POLG2: variants seen among roughly 807,000 people sequenced by gnomAD.
POLG2 encodes DNA polymerase subunit gamma-2.
POLG2 carries 50 observed loss-of-function variants against 56.5 expected under a neutral mutation model. The observed-to-expected ratio is 0.88, with a 90% CI of 0.71 to 1.12. The LOEUF is 1.12. Ranked by LOEUF, POLG2 falls within the 50% of genes most tolerant of loss-of-function variation. The pLI is 0.00. For missense variants in POLG2, 584 were observed against 583.3 expected, an observed-to-expected ratio of 1.00 and a Z score of -0.01; for synonymous variants, 226 against 222.6, an observed-to-expected ratio of 1.02 and a Z score of -0.14.
chr17:64,488,843 C>G (rs2038003553), intron 4 of POLG2, among the ~76,000 whole-genome samples: 1 of 152,064 alleles, frequency 6.6e-6, no homozygotes, highest in Admixed American at 6.6e-5. Flanking sequence ...TGGCGCACAC[C>G]TATAGTCCTA....
At chr17:64,492,630 G>A (rs2038080494) in intron 3 of POLG2, 37 bp downstream of exon 3, 1 of 1,177,190 alleles carries the variant, frequency 8.5e-7, no homozygotes, top group Non-Finnish European at 1.3e-6. Context: ...GACAATTTAT[G>A]TATTAACTAT....
chr17:64,495,101 C>T (rs1555669238), intron 1 of POLG2, among the ~76,000 whole-genome samples: 1 of 147,428 alleles, frequency 6.8e-6, no homozygotes, highest in African/African-American at 2.6e-5. Context: ...TGGCGTGAAC[C>T]TGGGAGATGG....
chr17:64,491,481 G>A lies in POLG2; in HGVS notation c.796-512C>T, dbSNP rs542938803. The A allele has an allele frequency of 6.9e-4, 891 of 1,283,226 alleles. 1 individual carries two copies. Among genetic ancestry groups the A allele is most frequent in the South Asian group, 1.7e-3 (141 of 83,400 alleles). 79.5% of individuals were successfully genotyped at this position (1,283,226 alleles called of 1,614,324 possible). A position where few individuals can be genotyped will look rare whatever the true frequency, so the allele number is the denominator to read the frequency against. On this transcript the variant is annotated intron_variant, in intron 3 of 7. Coordinates refer to ENST00000539111, the MANE Select transcript of POLG2 (RefSeq NM_007215.4). ...GCTGTGATTGTGCAACGGCAGTCCA[G>A]CCCGGGCAAAAGAGTGAGACTATGT...
chr17:64,478,990 C>A (rs1445935728), intron 7 of POLG2, among the ~76,000 whole-genome samples: 3 of 152,000 alleles, frequency 2.0e-5, no homozygotes, highest in African/African-American at 7.2e-5. Flanking sequence ...ATAAAAATAT[C>A]CTGGGACAAT....
chr17:64,482,327 C>CT (rs60268133), intron 6 of POLG2, among the ~76,000 whole-genome samples: 22,631 of 128,498 alleles, frequency 0.18, 5,430 homozygotes, highest in African/African-American at 0.55. Flanking sequence ...AAATTAAAAA[C>CT]TTTTTTTTTT....
intron 3 of POLG2, 132 bp downstream of exon 3, chr17:64,492,535 T>G: frequency 1.6e-6 from 1 of 644,396 alleles, no homozygotes; most frequent in Non-Finnish European, 2.7e-6. Flanking sequence ...TTACAAAGAG[T>G]TTTTGTATTT....
intron 2 of POLG2, 36 bp downstream of exon 2, chr17:64,492,859 T>C (rs782064112): frequency 6.2e-7 from 1 of 1,612,782 alleles, no homozygotes; most frequent in Non-Finnish European, 8.5e-7. Context: ...TTTGACTATT[T>C]AAATACAAGG....
At chr17:64,481,647 C>T (rs182338849) in intron 6 of POLG2, among the ~76,000 whole-genome samples, 81 of 151,986 alleles carry the variant, frequency 5.3e-4, no homozygotes, top group Middle Eastern at 3.4e-3. Flanking sequence ...CCGAGGTGGG[C>T]GGATCACTTG....
rs781997214 is a variant in POLG2 at position 64,496,514 on chromosome 17, G to T, written c.455C>A (p.Thr152Asn). 2 of 1,613,446 alleles carry T rather than the reference G, an allele frequency of 1.2e-6. No individual in the cohort carries two copies. The highest frequency in any genetic ancestry group is 2.7e-5 in the African/African-American group (2 of 75,008). The change falls in exon 1 of 8, where the codon ACT becomes AAT. Residue 152 changes from threonine (T) to asparagine (N), a missense_variant. Coordinates refer to ENST00000539111, the MANE Select transcript of POLG2 (RefSeq NM_007215.4). ...DSAFRLVSAETLREILQDKEL... is the reference protein window; with the variant it reads ...DSAFRLVSAENLREILQDKEL... The stretch of plus-strand genomic sequence containing the variant: ...TTTGTCTTGCAAGATTTCGCGTAGA[G>T]TTTCTGCAGAAACTAACCTGAAGGC...
At chr17:64,480,522 AATGTTT>A (rs1490857500) in intron 6 of POLG2, 133 bp from the exon 7 acceptor site, 10 of 522,224 alleles carry the variant, frequency 1.9e-5, no homozygotes, top group Non-Finnish European at 3.3e-5. Flanking sequence ...ATGTGATGTT[AATGTTT>A]ATAACTTCCA....
rs782115619 is a variant in POLG2 at position 64,490,914 on chromosome 17, C to T, written c.851G>A (p.Arg284Gln). 3.3e-5 allele frequency: 54 copies of T among 1,613,638 alleles called. No individual in the cohort carries two copies. The highest frequency in any genetic ancestry group is 4.1e-5 in the Non-Finnish European group (48 of 1,179,678). Reference sequence around the variant, plus strand: ...ATTGTAGTAAAGTTTGTTTCCTTTCCGGCCTTCTTCATCCTGACAGTCACT... The same window carrying T: ...ATTGTAGTAAAGTTTGTTTCCTTTCTGGCCTTCTTCATCCTGACAGTCACT... ...SSSDCQDEEG[R>Q]KGNKLYYNFP... The change falls in exon 4 of 8, where the codon CGG (arginine) becomes CAG (glutamine). Residue 284 changes from arginine to glutamine, a missense_variant. Coordinates refer to ENST00000539111, the MANE Select transcript of POLG2 (RefSeq NM_007215.4).
At chr17:64,487,858 T>C (rs1020979052) in intron 4 of POLG2, among the ~76,000 whole-genome samples, 1 of 151,290 alleles carries the variant, frequency 6.6e-6, no homozygotes, top group African/African-American at 2.4e-5. Context: ...ACAAAAAAGA[T>C]TGTTTATTGT....
At chr17:64,481,291 G>C in intron 6 of POLG2, 1 of 985,330 alleles carries the variant, frequency 1.0e-6, no homozygotes, top group Non-Finnish European at 1.2e-6. Flanking sequence ...CTCCTTCTTT[G>C]AGCTCACTAT....
intron 1 of POLG2, among the ~76,000 whole-genome samples, chr17:64,495,976 T>G (rs1422514847): frequency 6.6e-6 from 1 of 152,256 alleles, no homozygotes. Context: ...TGCAAAATGC[T>G]GGGATTACAG....
At chr17:64,493,103 T>TCCTTGCATGGGAATACAGGGCCAGTTGC in intron 1 of POLG2, 82 bp from the exon 2 acceptor site, 1 of 1,382,948 alleles carries the variant, frequency 7.2e-7, no homozygotes, top group Non-Finnish European at 1.0e-6. Context: ...TTAATAGTAG[T>TCCTTGCATGGGAATACAGGGCCAGTTGC]AATAACGTTA....
intron 1 of POLG2, 40 bp downstream of exon 1, chr17:64,496,367 A>C (rs566922150): frequency 1.5e-6 from 2 of 1,375,294 alleles, no homozygotes; most frequent in South Asian, 2.6e-5. Flanking sequence ...TCGCCTTTCC[A>C]CCCGACACCT....
At chr17:64,488,512 G>T (rs2037997276) in intron 4 of POLG2, among the ~76,000 whole-genome samples, 1 of 152,054 alleles carries the variant, frequency 6.6e-6, no homozygotes. Context: ...AGACCAGACT[G>T]GGCAACATAG....
chr17:64,491,015 C>T, intron 3 of POLG2, 46 bp from the exon 4 acceptor site: 2 of 1,313,954 alleles, frequency 1.5e-6, no homozygotes, highest in South Asian at 2.4e-5. Context: ...TAAATAAACA[C>T]TAATTTAACT....
chr17:64,495,100 C>CCTGGGA (rs1167302202), intron 1 of POLG2, among the ~76,000 whole-genome samples: 6 of 148,658 alleles, frequency 4.0e-5, no homozygotes, highest in African/African-American at 1.5e-4. Flanking sequence ...ATGGCGTGAA[C>CCTGGGA]CTGGGAGATG....
Sources: gnomAD v4.1 joint callset for allele counts (sites outside exome capture counted in the v4.1 genomes callset) on GRCh38, gnomAD v4.1.1 for gene constraint, MANE v1.5 for transcripts, NCBI Gene and HGNC (gene_info 2026-07-23, HGNC 2026-07-21) for gene names.